The following ABI1 variants were observed in gnomAD, a reference collection of about 807,000 sequenced individuals.
The protein encoded by ABI1 is abl interactor 1.
A neutral mutation model predicts 54.6 loss-of-function variants in ABI1; 14 were observed. The ratio of observed to expected loss-of-function variants is 0.26; its 90% CI spans 0.17 to 0.40. ABI1 has a LOEUF of 0.40. ABI1 is among the 10% of genes least tolerant of loss of function. ABI1 has a pLI of 1.00. For missense variants in ABI1, 443 were observed against 598.3 expected (o/e 0.74, Z 2.71); for synonymous variants, 194 against 209.3 (o/e 0.93, Z 0.63).
At chr10:26,760,001 G>C (rs995908662) in intron 7 of ABI1, among the ~76,000 whole-genome samples, 3 of 151,078 alleles carry the variant, frequency 2.0e-5, no homozygotes, top group Non-Finnish European at 2.9e-5. Context: ...GCATTTTAAG[G>C]TAGTTTTGTT....
intron 1 of ABI1, among the ~76,000 whole-genome samples, chr10:26,823,721 G>A (rs1319898840): frequency 1.3e-5 from 2 of 152,064 alleles, no homozygotes; most frequent in Admixed American, 6.5e-5. Flanking sequence ...AACCACCATC[G>A]GAAATCCAAC....
chr10:26,812,869 T>A (rs2047327186), intron 2 of ABI1, among the ~76,000 whole-genome samples: 1 of 152,186 alleles, frequency 6.6e-6, no homozygotes, highest in Non-Finnish European at 1.5e-5. Context: ...GACTGGGAGT[T>A]ATGACTTCAA....
At chr10:26,816,477 CACA>C (rs1175386410) in intron 2 of ABI1, among the ~76,000 whole-genome samples, 8 of 152,072 alleles carry the variant, frequency 5.3e-5, no homozygotes, top group Non-Finnish European at 1.2e-4. Flanking sequence ...GAAGATATTT[CACA>C]ACATTTAAAA....
chr10:26,782,523 G>A (rs1401533715), intron 2 of ABI1, among the ~76,000 whole-genome samples: 1 of 152,152 alleles, frequency 6.6e-6, no homozygotes, highest in Non-Finnish European at 1.5e-5. Context: ...AGGAGATGGA[G>A]ACCATCCTGG....
Position 26,768,714 on chromosome 10 carries a change from A to T in ABI1, c.719+138T>A, listed in dbSNP as rs185551467. On this transcript the variant is annotated intron_variant, in intron 6 of 10. Transcript: ENST00000376140. ...ACACAAACTTACAGGAACATATATA[A>T]TATTATTCCCCCAACTTTTACATTT... The T allele has an allele frequency of 9.5e-5, 67 of 708,730 alleles. No individual in the cohort carries two copies. The East Asian group carries it at 1.7e-3, about 18-fold the overall frequency. 43.9% of individuals were successfully genotyped at this position (708,730 alleles called of 1,614,324 possible).
At chr10:26,781,262 G>A (rs992614490) in intron 2 of ABI1, among the ~76,000 whole-genome samples, 4 of 152,212 alleles carry the variant, frequency 2.6e-5, no homozygotes, top group Non-Finnish European at 5.9e-5. Flanking sequence ...CTAATAAGGT[G>A]GGAAAGGCCC....
chr10:26,783,428 T>C (rs1842377881), intron 2 of ABI1, among the ~76,000 whole-genome samples: 1 of 152,212 alleles, frequency 6.6e-6, no homozygotes, highest in Non-Finnish European at 1.5e-5. Flanking sequence ...CTTAAAATGG[T>C]TAAGATGGTG....
intron 2 of ABI1, among the ~76,000 whole-genome samples, chr10:26,793,566 T>C (rs1203510337): frequency 6.6e-6 from 1 of 152,214 alleles, no homozygotes; most frequent in Non-Finnish European, 1.5e-5. Flanking sequence ...AATTTTTTAG[T>C]ACTTCCCATG....
chr10:26,824,503 T>C (rs2048182488), intron 1 of ABI1, among the ~76,000 whole-genome samples: 1 of 152,162 alleles, frequency 6.6e-6, no homozygotes, highest in African/African-American at 2.4e-5. Context: ...TTGAATAAGC[T>C]ATAATATCTC....
intron 10 of ABI1, among the ~76,000 whole-genome samples, chr10:26,749,855 T>A (rs1456211821): frequency 2.6e-5 from 4 of 152,220 alleles, no homozygotes; most frequent in African/African-American, 7.2e-5. Flanking sequence ...CAGGACTGAG[T>A]AGTTGTGACA....
chr10:26,797,004 C>T (rs983079623), intron 2 of ABI1, among the ~76,000 whole-genome samples: 2 of 152,220 alleles, frequency 1.3e-5, no homozygotes, highest in Non-Finnish European at 2.9e-5. Context: ...CTCTGCTCAC[C>T]TCCTGCTATG....
chr10:26,756,098 TAAC>T (rs1404634702), intron 8 of ABI1, among the ~76,000 whole-genome samples: 2 of 152,198 alleles, frequency 1.3e-5, no homozygotes, highest in African/African-American at 4.8e-5. Context: ...CTAAAATAGG[TAAC>T]AATGAAATAC....
At chr10:26,750,442 C>T (rs572689394) in intron 10 of ABI1, among the ~76,000 whole-genome samples, 40 of 152,134 alleles carry the variant, frequency 2.6e-4, no homozygotes, top group African/African-American at 7.5e-4. Flanking sequence ...TGCAGTGAGC[C>T]GAGATTGCAC....
chr10:26,764,673 C>T (rs759615756), intron 7 of ABI1, among the ~76,000 whole-genome samples: 16 of 152,078 alleles, frequency 1.1e-4, no homozygotes, highest in Non-Finnish European at 1.6e-4. Flanking sequence ...AAAAATATTT[C>T]AGGGAAAAAA....
In ABI1 at chr10:26,837,954, A is replaced by C. The variant is rs189313153; in HGVS notation, c.118-14649T>G. On this transcript the variant is annotated intron_variant, in intron 1 of 10. Coordinates refer to ENST00000376140, the MANE Select transcript of ABI1 (RefSeq NM_001012750.3). The stretch of plus-strand genomic sequence containing the variant: ...TTTTCACATAGTAACCTAAGCAGGT[A>C]TCTTGGTTTCACAGATGAAGGCACT... Among the ~76,000 whole-genome samples the C allele has an allele frequency of 1.2e-3, 185 of 151,894 alleles. 1 individual carries two copies. The highest frequency in any genetic ancestry group is 4.2e-3 in the African/African-American group (173 of 41,454).
intron 1 of ABI1, among the ~76,000 whole-genome samples, chr10:26,850,303 A>G (rs2050283048): frequency 6.6e-6 from 1 of 152,238 alleles, no homozygotes; most frequent in Admixed American, 6.5e-5. Flanking sequence ...CCTTTAAATG[A>G]ATGTTTTAAA....
At chr10:26,777,332 C>G in intron 2 of ABI1, 91 bp from the exon 3 acceptor site, 10 of 887,998 alleles carry the variant, frequency 1.1e-5, no homozygotes, top group Non-Finnish European at 1.7e-5. Flanking sequence ...GGACAGACCA[C>G]AGGGCTGTAC....
At chr10:26,856,964 A>G (rs1159123216) in intron 1 of ABI1, among the ~76,000 whole-genome samples, 2 of 152,194 alleles carry the variant, frequency 1.3e-5, no homozygotes, top group Non-Finnish European at 2.9e-5. Context: ...GAAAAATTCA[A>G]TCTGGTCATA....
intron 1 of ABI1, among the ~76,000 whole-genome samples, chr10:26,838,798 A>C (rs1359599258): frequency 6.6e-6 from 1 of 152,246 alleles, no homozygotes; most frequent in Non-Finnish European, 1.5e-5. Context: ...ATGAGGAAAA[A>C]GAAATTTGTA....
Sources: gnomAD v4.1 joint callset for allele counts (sites outside exome capture counted in the v4.1 genomes callset) on GRCh38, gnomAD v4.1.1 for gene constraint, MANE v1.5 for transcripts, NCBI Gene and HGNC (gene_info 2026-07-23, HGNC 2026-07-21) for gene names.